Variants in NEK7 observed in about 807,000 individuals in gnomAD.
NEK7 encodes serine/threonine-protein kinase Nek7.
A neutral mutation model predicts 44.6 loss-of-function variants in NEK7; 18 were observed. The ratio of observed to expected loss-of-function variants is 0.40; its 90% confidence interval spans 0.28 to 0.60. NEK7 has a LOEUF of 0.60. NEK7 is among the 20% of genes least tolerant of loss of function. NEK7 has a pLI of 0.38. For synonymous variants in NEK7, 130 were observed against 121.1 expected (o/e 1.07, Z -0.48); for missense variants, 256 against 366.5 (o/e 0.70, Z 2.46).
intron 3 of NEK7, chr1:198,256,262 C>G (rs1653259751): frequency 1.4e-6 from 2 of 1,442,934 alleles, no homozygotes. Flanking sequence ...TTGTGCCACT[C>G]CATTTAGTTC....
intron 1 of NEK7, among the ~76,000 whole-genome samples, chr1:198,217,174 C>A (rs1665945778): frequency 6.6e-6 from 1 of 152,034 alleles, no homozygotes; most frequent in Non-Finnish European, 1.5e-5. Context: ...GGACAAGTAT[C>A]TGTAAAACAC....
At chr1:198,188,524 T>C (rs1664982459) in intron 1 of NEK7, among the ~76,000 whole-genome samples, 1 of 152,012 alleles carries the variant, frequency 6.6e-6, no homozygotes, top group Non-Finnish European at 1.5e-5. Flanking sequence ...CTGACACCAT[T>C]GGCAGGGAGT....
intron 5 of NEK7, among the ~76,000 whole-genome samples, chr1:198,274,376 G>A (rs1653951085): frequency 6.6e-6 from 1 of 151,474 alleles, no homozygotes. Flanking sequence ...AAATTTTTAA[G>A]ATGGCAGTAA....
chr1:198,274,418 A>G (rs1006312309), intron 5 of NEK7, among the ~76,000 whole-genome samples: 2 of 151,742 alleles, frequency 1.3e-5, no homozygotes, highest in Admixed American at 6.6e-5. Context: ...CCAGACCTGC[A>G]TAACACAGGT....
Position 198,277,918 on chromosome 1 carries a change from G to A in NEK7, c.373-43G>A, listed in dbSNP as rs1245104681. On this transcript the variant is annotated intron_variant, in intron 5 of 9. Transcript: ENST00000367385. ...TTTGCTTACCAGAATCCAGTCTTGA[G>A]AAATTTTAGTTTTTATAGTTCTTAT... 5.0e-6 allele frequency: 6 copies of A among 1,191,490 alleles called. No homozygotes were observed. The African/African-American group carries it at 9.1e-5, about 18-fold the overall frequency. 73.8% of individuals were successfully genotyped at this position (1,191,490 alleles called of 1,614,324 possible).
At chr1:198,309,123 T>G (rs1485048278) in intron 9 of NEK7, among the ~76,000 whole-genome samples, 3 of 152,112 alleles carry the variant, frequency 2.0e-5, no homozygotes, top group Non-Finnish European at 4.4e-5. Context: ...AGAGTTAAGT[T>G]CCACGTAGCA....
chr1:198,213,275 G>A (rs1012930625), intron 1 of NEK7, among the ~76,000 whole-genome samples: 1 of 152,202 alleles, frequency 6.6e-6, no homozygotes, highest in African/African-American at 2.4e-5. Flanking sequence ...CCAGATTGCA[G>A]GCCTTGAGCC....
intron 9 of NEK7, among the ~76,000 whole-genome samples, chr1:198,308,669 T>C (rs1216366512): frequency 6.6e-6 from 1 of 152,252 alleles, no homozygotes; most frequent in Non-Finnish European, 1.5e-5. Context: ...TGATTTCCCA[T>C]TGTCTGTGTG....
chr1:198,216,324 TGAATGATTTTTGGGTTAACCATGA>T (rs1187703076), intron 1 of NEK7, among the ~76,000 whole-genome samples: 1 of 152,130 alleles, frequency 6.6e-6, no homozygotes, highest in Non-Finnish European at 1.5e-5. Flanking sequence ...AATCTGCTTC[TGAATGATTTTTGGGTTAACCATGA>T]GATCAAGATG....
chr1:198,198,365 C>A (rs565509807), intron 1 of NEK7, among the ~76,000 whole-genome samples: 3 of 152,186 alleles, frequency 2.0e-5, no homozygotes, highest in African/African-American at 7.2e-5. Context: ...GTTACTAGTC[C>A]GGTGGCCAAG....
intron 4 of NEK7, 50 bp downstream of exon 4, chr1:198,262,687 G>T: frequency 8.9e-7 from 1 of 1,121,706 alleles, no homozygotes. Context: ...TGATAAAAGT[G>T]ATTTACTAAA....
intron 7 of NEK7, among the ~76,000 whole-genome samples, chr1:198,282,708 A>G (rs1387868531): frequency 6.6e-6 from 1 of 152,158 alleles, no homozygotes; most frequent in Non-Finnish European, 1.5e-5. Flanking sequence ...GAAGTGATGA[A>G]GATGCAGAGA....
intron 1 of NEK7, among the ~76,000 whole-genome samples, chr1:198,180,973 TG>T (rs1664748829): frequency 6.6e-6 from 1 of 152,076 alleles, no homozygotes; most frequent in Non-Finnish European, 1.5e-5. Flanking sequence ...GATATCTATG[TG>T]GAAAAGGTCA....
At chr1:198,184,822 C>T (rs1302696687) in intron 1 of NEK7, among the ~76,000 whole-genome samples, 1 of 152,026 alleles carries the variant, frequency 6.6e-6, no homozygotes, top group Admixed American at 6.6e-5. Flanking sequence ...TTGCACACCA[C>T]TATGCCTGGC....
At chr1:198,206,589 A>ATCTT (rs1329515955) in intron 1 of NEK7, among the ~76,000 whole-genome samples, 1 of 152,144 alleles carries the variant, frequency 6.6e-6, no homozygotes, top group African/African-American at 2.4e-5. Flanking sequence ...CTAAAGTAGA[A>ATCTT]TCTTTCTTTG....
intron 1 of NEK7, among the ~76,000 whole-genome samples, chr1:198,190,813 A>G (rs145972005): frequency 1.7e-3 from 262 of 152,044 alleles, no homozygotes; most frequent in Non-Finnish European, 2.6e-3. Flanking sequence ...TTTATTTCCA[A>G]CATATGGAAT....
At chr1:198,202,539 G>A (rs910688867) in intron 1 of NEK7, among the ~76,000 whole-genome samples, 6 of 152,126 alleles carry the variant, frequency 3.9e-5, no homozygotes, top group Non-Finnish European at 4.4e-5. Flanking sequence ...CAGTGGCTAC[G>A]CTGGTGCTGC....
At chr1:198,177,404 C>G (rs1477259210) in intron 1 of NEK7, among the ~76,000 whole-genome samples, 1 of 152,080 alleles carries the variant, frequency 6.6e-6, no homozygotes, top group African/African-American at 2.4e-5. Context: ...AAAGGGCATA[C>G]ACAGCCAAAT....
intron 1 of NEK7, among the ~76,000 whole-genome samples, chr1:198,172,997 G>T (rs957283108): frequency 9.2e-5 from 14 of 152,278 alleles, no homozygotes; most frequent in African/African-American, 3.4e-4. Flanking sequence ...TAGGCAATTG[G>T]TTATATATCT....
Sources: allele counts gnomAD v4.1 joint callset (sites outside exome capture counted in the v4.1 genomes callset), GRCh38; gene constraint gnomAD v4.1.1; transcripts MANE v1.5; gene names NCBI Gene and HGNC (gene_info 2026-07-23, HGNC 2026-07-21).